CNTNAP2: variants seen among roughly 807,000 people sequenced by gnomAD.
The protein encoded by CNTNAP2 is contactin-associated protein-like 2.
In CNTNAP2, 98 loss-of-function variants were observed where a neutral mutation model predicts 155.2. The observed-to-expected ratio is 0.63, with a 90% CI of 0.54 to 0.75. The LOEUF is 0.75. Ranked by LOEUF, CNTNAP2 falls within the 30% of genes least tolerant of loss-of-function variation. The pLI is 0.00. For missense variants in CNTNAP2, 1,727 were observed against 1,688.1 expected (o/e 1.02, Z -0.40); for synonymous variants, 651 against 631.2 (o/e 1.03, Z -0.47).
chr7:146,382,121 G>A (rs2129105110), intron 1 of CNTNAP2, among the ~76,000 whole-genome samples: 1 of 152,308 alleles, frequency 6.6e-6, no homozygotes, highest in East Asian at 1.9e-4. Flanking sequence ...GGTTAAACCT[G>A]TTGGAAACTT....
chr7:146,135,167 A>C (rs573521387), intron 1 of CNTNAP2, among the ~76,000 whole-genome samples: 1 of 152,302 alleles, frequency 6.6e-6, no homozygotes, highest in East Asian at 1.9e-4. Flanking sequence ...AAGATGTCAT[A>C]GAAAATTTCC....
At chr7:146,804,481 G>A (rs963348766) in intron 2 of CNTNAP2, among the ~76,000 whole-genome samples, 3 of 152,058 alleles carry the variant, frequency 2.0e-5, no homozygotes, top group African/African-American at 4.8e-5. Flanking sequence ...AGGAAGGAGA[G>A]ATAAATACAT....
At chr7:146,956,188 G>C (rs1461797233) in intron 3 of CNTNAP2, among the ~76,000 whole-genome samples, 1 of 151,840 alleles carries the variant, frequency 6.6e-6, no homozygotes, top group Non-Finnish European at 1.5e-5. Flanking sequence ...GTTTAGACTT[G>C]GTATTAAAAA....
chr7:146,589,604 T>TG (rs1798749596), intron 1 of CNTNAP2, among the ~76,000 whole-genome samples: 1 of 143,928 alleles, frequency 6.9e-6, no homozygotes, highest in African/African-American at 2.6e-5. Flanking sequence ...TGTTGGGGTT[T>TG]GGGGGATAGG....
chr7:146,130,771 G>T lies in CNTNAP2; in HGVS notation c.97+13798G>T, dbSNP rs147926507. On this transcript the variant is annotated intron_variant, in intron 1 of 23. Transcript: ENST00000361727. ...GTTCTGCATGGCTGGGGAGGCCTCAGACAACTTACAATCATGGCAGAAGGC... is the reference window on the plus strand; with the variant it reads ...GTTCTGCATGGCTGGGGAGGCCTCATACAACTTACAATCATGGCAGAAGGC... Among the ~76,000 whole-genome samples, 146 of 152,324 alleles carry T rather than the reference G, an allele frequency of 9.6e-4. 2 individuals carry two copies. In the East Asian group the frequency reaches 0.025, roughly 26 times the overall value.
At chr7:146,373,814 C>T (rs773380095) in intron 1 of CNTNAP2, among the ~76,000 whole-genome samples, 1 of 152,086 alleles carries the variant, frequency 6.6e-6, no homozygotes, top group Admixed American at 6.5e-5. Context: ...AATAAAAGGT[C>T]ATATACACGT....
chr7:148,234,914 A>G (rs1380726551), intron 20 of CNTNAP2, among the ~76,000 whole-genome samples: 1 of 152,226 alleles, frequency 6.6e-6, no homozygotes. Flanking sequence ...AATCAAATGA[A>G]CAGATGGTAA....
At chr7:147,554,059 G>A (rs1459871539) in intron 11 of CNTNAP2, among the ~76,000 whole-genome samples, 1 of 152,226 alleles carries the variant, frequency 6.6e-6, no homozygotes, top group Non-Finnish European at 1.5e-5. Context: ...TAGGATCTGA[G>A]CAAGATGAAC....
At position 148,365,783 on chromosome 7, in the gene CNTNAP2, T is replaced by A. The variant is rs746428070; in HGVS notation, c.3476-17866T>A. Among the ~76,000 whole-genome samples the A allele has an allele frequency of 2.1e-5, 2 of 93,274 alleles. 1 individual carries two copies. 61.2% of individuals were successfully genotyped at this position (93,274 alleles called of 152,430 possible). A position where few individuals can be genotyped will look rare whatever the true frequency, so the allele number is the denominator to read the frequency against. On this transcript the variant is annotated intron_variant, in intron 21 of 23. Coordinates refer to ENST00000361727, the MANE Select transcript of CNTNAP2 (RefSeq NM_014141.6). ...GTGTATACGTGTATACATGTATGTG[T>A]ATGCATGTATACATGCATGTGTATG...
At chr7:148,072,350 T>C (rs1249771174) in intron 15 of CNTNAP2, among the ~76,000 whole-genome samples, 1 of 152,192 alleles carries the variant, frequency 6.6e-6, no homozygotes, top group East Asian at 1.9e-4. Context: ...TTGAGCCATG[T>C]GGTGTCGGTC....
intron 3 of CNTNAP2, among the ~76,000 whole-genome samples, chr7:146,930,904 C>A (rs373217323): frequency 0.037 from 5,707 of 152,194 alleles, 129 homozygotes; most frequent in Middle Eastern, 0.088. Flanking sequence ...AATATATATG[C>A]ACCCAATACA....
chr7:147,564,789 T>A (rs1300169282), intron 12 of CNTNAP2, among the ~76,000 whole-genome samples: 1 of 152,172 alleles, frequency 6.6e-6, no homozygotes, highest in Non-Finnish European at 1.5e-5. Context: ...AACTCAGCAC[T>A]TCAAATGACT....
intron 15 of CNTNAP2, chr7:147,978,209 C>G (rs1272862250): frequency 5.2e-6 from 3 of 573,330 alleles, no homozygotes; most frequent in South Asian, 3.9e-5. Context: ...CATCTTTCCT[C>G]TATATTCATA....
chr7:147,297,301 C>G (rs187414530), intron 8 of CNTNAP2, among the ~76,000 whole-genome samples: 1 of 145,332 alleles, frequency 6.9e-6, no homozygotes, highest in Non-Finnish European at 1.5e-5. Context: ...CCACTATGTA[C>G]CAGACATGGT....
chr7:146,964,178 A>G (rs1290648368), intron 3 of CNTNAP2, among the ~76,000 whole-genome samples: 1 of 152,180 alleles, frequency 6.6e-6, no homozygotes, highest in Non-Finnish European at 1.5e-5. Context: ...AAATCACTTC[A>G]TCATGGTGTT....
At chr7:146,461,318 T>G (rs1415275598) in intron 1 of CNTNAP2, among the ~76,000 whole-genome samples, 1 of 151,318 alleles carries the variant, frequency 6.6e-6, no homozygotes, top group Non-Finnish European at 1.5e-5. Flanking sequence ...GGCAGGACAA[T>G]GGCGTGAACC....
At chr7:147,771,001 C>G (rs1430297508) in intron 13 of CNTNAP2, among the ~76,000 whole-genome samples, 1 of 152,026 alleles carries the variant, frequency 6.6e-6, no homozygotes, top group Non-Finnish European at 1.5e-5. Context: ...TAAGAATAAA[C>G]ACATAAATTA....
At chr7:147,784,598 G>C (rs1797711087) in intron 13 of CNTNAP2, among the ~76,000 whole-genome samples, 1 of 134,374 alleles carries the variant, frequency 7.4e-6, no homozygotes, top group Non-Finnish European at 1.6e-5. Context: ...TGGGAAATGA[G>C]ATGAAAGAGG....
intron 1 of CNTNAP2, among the ~76,000 whole-genome samples, chr7:146,546,853 C>T (rs1798036901): frequency 6.6e-6 from 1 of 152,034 alleles, no homozygotes; most frequent in East Asian, 2.0e-4. Context: ...GGGGTAACTG[C>T]ACCCGTGATT....
Sources: allele counts gnomAD v4.1 joint callset (sites outside exome capture counted in the v4.1 genomes callset), GRCh38; gene constraint gnomAD v4.1.1; transcripts MANE v1.5; gene names NCBI Gene and HGNC (gene_info 2026-07-23, HGNC 2026-07-21).